KLF8: variants seen among roughly 807,000 people sequenced by gnomAD.
The protein encoded by KLF8 is KLF transcription factor 8.
In KLF8, 10 loss-of-function variants were observed where a neutral mutation model predicts 18.2. That is an observed-to-expected ratio of 0.55 (90% CI 0.34 to 0.93). The LOEUF (loss-of-function observed/expected upper bound fraction) is 0.93. Among genes scored for constraint, KLF8 ranks in the 40% least tolerant of loss-of-function variants. The pLI, the probability that KLF8 is intolerant of heterozygous loss-of-function variation, is 0.02. For synonymous variants in KLF8, 109 were observed against 97.3 expected (o/e 1.12, Z -0.71); for missense variants, 264 against 277.9 (o/e 0.95, Z 0.36).
At chrX:56,196,842 G>A in the KLF8 span, among the ~76,000 whole-genome samples, 2 of 111,460 alleles carry the variant, frequency 1.8e-5, no homozygotes, top group Admixed American at 9.6e-5. Context: ...CCACATAATT[G>A]GAAGTAAAGC....
chrX:55,942,573 T>C, the KLF8 span, among the ~76,000 whole-genome samples: 1 of 111,553 alleles, frequency 9.0e-6, no homozygotes, highest in Admixed American at 9.5e-5. Flanking sequence ...GGCAAGATAA[T>C]TGCAGCTTAT....
chrX:56,101,664 A>T, the KLF8 span, among the ~76,000 whole-genome samples: 1 of 111,598 alleles, frequency 9.0e-6, no homozygotes, highest in Non-Finnish European at 1.9e-5. Context: ...CCACTCTGGT[A>T]TCTTGCTGTT....
At chrX:56,017,322 G>A in the KLF8 span, among the ~76,000 whole-genome samples, 1 of 112,369 alleles carries the variant, frequency 8.9e-6, no homozygotes, top group Admixed American at 9.4e-5. Flanking sequence ...AAGCACAATG[G>A]CAGCCAGCCT....
chrX:55,995,010 A>G, the KLF8 span, among the ~76,000 whole-genome samples: 1 of 111,665 alleles, frequency 9.0e-6, no homozygotes, highest in Admixed American at 9.5e-5. Flanking sequence ...CTGTTAATGG[A>G]GTCTCCCACT....
At chrX:55,957,278 GT>G in the KLF8 span, among the ~76,000 whole-genome samples, 1 of 111,747 alleles carries the variant, frequency 8.9e-6, no homozygotes, top group Non-Finnish European at 1.9e-5. Flanking sequence ...GTACTACAGT[GT>G]TTTTATCACT....
chrX:56,217,183 T>G, the KLF8 span, among the ~76,000 whole-genome samples: 1 of 111,408 alleles, frequency 9.0e-6, no homozygotes, highest in African/African-American at 3.3e-5. Flanking sequence ...AAATTAGTAC[T>G]CATTGACTTC....
intron 2 of KLF8, among the ~76,000 whole-genome samples, chrX:56,251,972 C>T (rs968660234): frequency 1.8e-5 from 2 of 111,266 alleles, no homozygotes; most frequent in African/African-American, 6.5e-5. Context: ...ACTCTAGTCA[C>T]CCTATCATGC....
chrX:56,185,047 A>T, the KLF8 span, among the ~76,000 whole-genome samples: 1 of 112,773 alleles, frequency 8.9e-6, no homozygotes, highest in Non-Finnish European at 1.9e-5. Flanking sequence ...GAGGTCAGAG[A>T]AGAAGGCTTC....
At chrX:56,231,542 G>C (rs1382366328), upstream of KLF8, among the ~76,000 whole-genome samples, 1 of 111,489 alleles carries the variant, frequency 9.0e-6, no homozygotes. Context: ...TCCTCCCTCT[G>C]CTTTGTTTCT....
At chrX:56,049,170 A>C in the KLF8 span, among the ~76,000 whole-genome samples, 2 of 111,610 alleles carry the variant, frequency 1.8e-5, no homozygotes, top group Admixed American at 9.5e-5. Flanking sequence ...TTTTGGGCTG[A>C]GACGATGGGG....
At chrX:56,139,793 A>G in the KLF8 span, among the ~76,000 whole-genome samples, 1 of 111,931 alleles carries the variant, frequency 8.9e-6, no homozygotes, top group Non-Finnish European at 1.9e-5. Context: ...TAATTAAACT[A>G]AAGAGCTTCT....
the KLF8 span, among the ~76,000 whole-genome samples, chrX:55,934,051 G>A: frequency 8.9e-6 from 1 of 111,902 alleles, no homozygotes; most frequent in Admixed American, 9.5e-5. Flanking sequence ...TCCTAGAATT[G>A]AGGGAATATG....
chrX:55,946,154 C>T, the KLF8 span, among the ~76,000 whole-genome samples: 2 of 111,346 alleles, frequency 1.8e-5, no homozygotes, highest in South Asian at 7.6e-4. Context: ...TCATATGGAA[C>T]CAAAAAAGAG....
chrX:56,047,270 TTTA>T, the KLF8 span, among the ~76,000 whole-genome samples: 2 of 110,583 alleles, frequency 1.8e-5, no homozygotes, highest in African/African-American at 3.3e-5. Flanking sequence ...TTTTCGTTTT[TTTA>T]TTATTATTAT....
the KLF8 span, among the ~76,000 whole-genome samples, chrX:56,223,615 G>A: frequency 8.9e-6 from 1 of 112,766 alleles, no homozygotes; most frequent in Non-Finnish European, 1.9e-5. Flanking sequence ...AGTTCACCTA[G>A]ATTCTGCCTT....
chrX:56,162,208 T>G, the KLF8 span, among the ~76,000 whole-genome samples: 1 of 112,222 alleles, frequency 8.9e-6, no homozygotes, highest in Admixed American at 9.4e-5. Context: ...GTTAGGATAC[T>G]TGGGGGTCAT....
At chrX:56,160,406 C>T in the KLF8 span, among the ~76,000 whole-genome samples, 6 of 111,062 alleles carry the variant, frequency 5.4e-5, no homozygotes, top group Non-Finnish European at 1.1e-4. Flanking sequence ...CTATTAGGTC[C>T]GCTTGGTGCA....
the KLF8 span, among the ~76,000 whole-genome samples, chrX:56,206,600 C>T: frequency 8.9e-6 from 1 of 112,560 alleles, no homozygotes; most frequent in Non-Finnish European, 1.9e-5. Context: ...AAGAGGTGGA[C>T]TCTCATGGCC....
At chrX:56,045,230 T>C in the KLF8 span, among the ~76,000 whole-genome samples, 1 of 112,062 alleles carries the variant, frequency 8.9e-6, no homozygotes, top group Non-Finnish European at 1.9e-5. Context: ...TATTTCTGTG[T>C]ACTTTATTCT....
Sources: allele counts gnomAD v4.1 joint callset (sites outside exome capture counted in the v4.1 genomes callset), GRCh38; gene constraint gnomAD v4.1.1; transcripts MANE v1.5; gene names NCBI Gene and HGNC (gene_info 2026-07-23, HGNC 2026-07-21).